Variants in HTR2A observed in about 807,000 individuals in gnomAD.
HTR2A encodes 5-HT2 receptor.
Under a neutral mutation model 31.0 loss-of-function variants are expected in HTR2A, and 14 were observed. The observed-to-expected ratio is 0.45, with a 90% CI of 0.30 to 0.71. The LOEUF is 0.71. Among genes scored for constraint, HTR2A ranks in the 30% least tolerant of loss-of-function variants. The pLI is 0.09. For missense variants in HTR2A, 442 were observed against 573.3 expected, an observed-to-expected ratio of 0.77 and a Z score of 2.34; for synonymous variants, 209 against 225.2, an observed-to-expected ratio of 0.93 and a Z score of 0.64.
At chr13:46,886,383 T>C (rs1951006411) in intron 3 of HTR2A, among the ~76,000 whole-genome samples, 1 of 152,020 alleles carries the variant, frequency 6.6e-6, no homozygotes, top group Non-Finnish European at 1.5e-5. Context: ...AAAATATAAA[T>C]ATAAGATGGA....
chr13:46,871,932 A>T (rs1485969032), intron 3 of HTR2A, among the ~76,000 whole-genome samples: 1 of 152,218 alleles, frequency 6.6e-6, no homozygotes, highest in Admixed American at 6.5e-5. Context: ...ATAAGACATG[A>T]TTTTCTGAAC....
At chr13:46,856,762 T>C (rs966388308) in intron 3 of HTR2A, among the ~76,000 whole-genome samples, 1 of 152,210 alleles carries the variant, frequency 6.6e-6, no homozygotes, top group Non-Finnish European at 1.5e-5. Flanking sequence ...AATCCATTCA[T>C]CTGGCAAATA....
intron 3 of HTR2A, among the ~76,000 whole-genome samples, chr13:46,878,709 G>C (rs565726674): frequency 1.3e-5 from 2 of 152,260 alleles, no homozygotes; most frequent in African/African-American, 4.8e-5. Context: ...CAGATGTGAA[G>C]AAATCAGTCC....
intron 3 of HTR2A, among the ~76,000 whole-genome samples, chr13:46,870,623 G>T (rs1950856829): frequency 6.6e-6 from 1 of 152,134 alleles, no homozygotes; most frequent in African/African-American, 2.4e-5. Context: ...TTAATACCTT[G>T]CATCTCTATT....
chr13:46,841,703 C>T (rs1186278376), intron 3 of HTR2A, among the ~76,000 whole-genome samples: 1 of 152,058 alleles, frequency 6.6e-6, no homozygotes, highest in Non-Finnish European at 1.5e-5. Flanking sequence ...GACCCTCCTT[C>T]CTTTTCTTTT....
chr13:46,881,587 T>TC (rs1292487998), intron 3 of HTR2A, among the ~76,000 whole-genome samples: 1 of 152,340 alleles, frequency 6.6e-6, no homozygotes, highest in East Asian at 1.9e-4. Context: ...AATTCAAGTT[T>TC]CCGTTTGTAT....
intron 3 of HTR2A, among the ~76,000 whole-genome samples, chr13:46,873,715 C>A (rs1033874243): frequency 6.6e-6 from 1 of 151,936 alleles, no homozygotes; most frequent in Non-Finnish European, 1.5e-5. Context: ...TTTGTCCTTG[C>A]GATAGTTTAC....
At chr13:46,872,472 CTTCTCTTTA>C (rs1950869783) in intron 3 of HTR2A, among the ~76,000 whole-genome samples, 1 of 117,444 alleles carries the variant, frequency 8.5e-6, no homozygotes, top group South Asian at 2.8e-4. Context: ...TTCAGGCTAG[CTTCTCTTTA>C]TTCTAGAGTT....
At chr13:46,846,679 T>A (rs1343998133) in intron 3 of HTR2A, among the ~76,000 whole-genome samples, 3 of 152,096 alleles carry the variant, frequency 2.0e-5, no homozygotes, top group African/African-American at 7.2e-5. Context: ...TGCAATGTCA[T>A]ATTGCCTTAA....
At chr13:46,855,032 C>T (rs1950721755) in intron 3 of HTR2A, among the ~76,000 whole-genome samples, 1 of 152,072 alleles carries the variant, frequency 6.6e-6, no homozygotes, top group African/African-American at 2.4e-5. Context: ...GGAGACGGAA[C>T]TATAAGTCAG....
intron 3 of HTR2A, among the ~76,000 whole-genome samples, chr13:46,874,935 ACT>A (rs1950896164): frequency 6.6e-6 from 1 of 152,194 alleles, no homozygotes; most frequent in Admixed American, 6.5e-5. Flanking sequence ...ATGAGGATCA[ACT>A]CTCTTTATTC....
chr13:46,845,327 AG>A (rs760778573), intron 3 of HTR2A, among the ~76,000 whole-genome samples: 35 of 152,250 alleles, frequency 2.3e-4, no homozygotes, highest in Non-Finnish European at 4.7e-4. Context: ...GACAGGGATG[AG>A]GCAAGGAGAC....
intron 3 of HTR2A, among the ~76,000 whole-genome samples, chr13:46,872,712 C>T (rs2770298): frequency 0.74 from 112,173 of 151,988 alleles, 41,572 homozygotes; most frequent in African/African-American, 0.81. Flanking sequence ...ACAAAAGCCC[C>T]GAAATTTAAA....
At chr13:46,891,453 A>G (rs1295409208) in intron 3 of HTR2A, among the ~76,000 whole-genome samples, 2 of 152,230 alleles carry the variant, frequency 1.3e-5, no homozygotes, top group Non-Finnish European at 2.9e-5. Flanking sequence ...AAACAATGGG[A>G]ACTAAAATAC....
chr13:46,833,563 A>C lies in HTR2A; in HGVS notation c.*1274T>G, dbSNP rs1228966827. On this transcript the variant is annotated 3_prime_UTR_variant, in exon 4 of 4. Coordinates refer to ENST00000542664, the MANE Select transcript of HTR2A (RefSeq NM_000621.5). ...TTTTTTGTAGAGACAGGGAGGTCTC[A>C]CTTTGTTACCCAGGTTGGTCTCAAA... The C allele has an allele frequency of 1.3e-5, 2 of 152,014 alleles. No individual in the cohort carries two copies. The highest frequency in any genetic ancestry group is 4.8e-5 in the African/African-American group (2 of 41,396). 9.4% of individuals were successfully genotyped at this position (152,014 alleles called of 1,614,324 possible).
chr13:46,891,764 T>C (rs1263678702), intron 3 of HTR2A, among the ~76,000 whole-genome samples: 1 of 152,214 alleles, frequency 6.6e-6, no homozygotes, highest in Non-Finnish European at 1.5e-5. Flanking sequence ...CTTTTCTGAC[T>C]ATTAGGTGTG....
intron 3 of HTR2A, among the ~76,000 whole-genome samples, chr13:46,845,958 A>G (rs1325723500): frequency 6.6e-6 from 1 of 152,220 alleles, no homozygotes; most frequent in Non-Finnish European, 1.5e-5. Context: ...GATATGTTTA[A>G]ATACACAACT....
chr13:46,892,289 G>T, intron 3 of HTR2A, 101 bp downstream of exon 3: 1 of 1,113,738 alleles, frequency 9.0e-7, no homozygotes, highest in Non-Finnish European at 1.4e-6. Context: ...CAAAACAGTA[G>T]ATTGAGGATG....
rs58358307 is a variant in HTR2A, at chr13:46,873,505, G to A, written c.613+18885C>T. ...GTATATGTGCACAATGTGCCGGTTAGTTACATATGTATACATGTGCCATGT... is the reference window on the plus strand; with the variant it reads ...GTATATGTGCACAATGTGCCGGTTAATTACATATGTATACATGTGCCATGT... On this transcript the variant is annotated intron_variant, in intron 3 of 3. Coordinates refer to ENST00000542664, the MANE Select transcript of HTR2A (RefSeq NM_000621.5). Among the ~76,000 whole-genome samples, 1,205 of 150,514 alleles carry A rather than the reference G, an allele frequency of 8.0e-3. 15 individuals are homozygous for A. The highest frequency in any genetic ancestry group is 0.028 in the African/African-American group (1,158 of 40,932).
Sources: gnomAD v4.1 joint callset for allele counts (sites outside exome capture counted in the v4.1 genomes callset) on GRCh38, gnomAD v4.1.1 for gene constraint, MANE v1.5 for transcripts, NCBI Gene and HGNC (gene_info 2026-07-23, HGNC 2026-07-21) for gene names.